PLCH1: variants seen among roughly 807,000 people sequenced by gnomAD.
PLCH1 encodes phospholipase C eta 1.
A neutral mutation model predicts 126.7 loss-of-function variants in PLCH1; 60 were observed. The ratio of observed to expected loss-of-function variants is 0.47; its 90% CI spans 0.38 to 0.59. The LOEUF (loss-of-function observed/expected upper bound fraction) is 0.59, where lower values mean the gene tolerates loss of function less well. Ranked by LOEUF, PLCH1 falls within the 20% of genes least tolerant of loss-of-function variation. The probability of loss-of-function intolerance (pLI) is 0.00; values close to 1 mark genes in which losing one functional copy is unlikely to be tolerated. For synonymous variants in PLCH1, 719 were observed against 734.9 expected (o/e 0.98, Z 0.35); for missense variants, 1,723 against 2,040.0 (o/e 0.84, Z 2.99).
intron 2 of PLCH1, among the ~76,000 whole-genome samples, chr3:155,670,635 C>T (rs530808642): frequency 6.6e-6 from 1 of 151,952 alleles, no homozygotes; most frequent in African/African-American, 2.4e-5. Flanking sequence ...TGATCTGAAC[C>T]AATTTCTCAA....
chr3:155,578,830 C>A (rs1378627505), intron 6 of PLCH1, among the ~76,000 whole-genome samples: 1 of 152,118 alleles, frequency 6.6e-6, no homozygotes, highest in Non-Finnish European at 1.5e-5. Flanking sequence ...GCCTTCCCCC[C>A]AGCCCTTCCA....
intron 1 of PLCH1, among the ~76,000 whole-genome samples, chr3:155,732,312 A>C (rs966128375): frequency 2.0e-5 from 3 of 152,122 alleles, no homozygotes; most frequent in African/African-American, 7.2e-5. Flanking sequence ...AGAAGAAGAA[A>C]GTATCTGTGA....
In PLCH1 at chr3:155,550,470, G is replaced by A. The variant is rs565685902; in HGVS notation, c.1191-512C>T. The stretch of plus-strand genomic sequence containing the variant: ...AATTCTGTGTTTTATAGCATCCTAC[G>A]TCGCACATTTCAAAATCACTTTGAT... On this transcript the variant is annotated intron_variant, in intron 9 of 22. Coordinates refer to ENST00000460012, the MANE Select transcript of PLCH1 (RefSeq NM_014996.4). 7.2e-5 allele frequency among the ~76,000 whole-genome samples: 11 copies of A among 152,194 alleles called. No individual in the cohort carries two copies. The South Asian group carries it at 1.2e-3, about 17-fold the overall frequency.
chr3:155,725,594 C>T (rs1000451189), intron 1 of PLCH1, among the ~76,000 whole-genome samples: 2 of 151,938 alleles, frequency 1.3e-5, no homozygotes, highest in Non-Finnish European at 2.9e-5. Context: ...ATTACAGATG[C>T]ATGCCCGGCT....
At chr3:155,621,167 G>A (rs1016945007) in intron 2 of PLCH1, among the ~76,000 whole-genome samples, 1 of 152,144 alleles carries the variant, frequency 6.6e-6, no homozygotes, top group Non-Finnish European at 1.5e-5. Flanking sequence ...TGCAGCAGAG[G>A]GGCCTGACTG....
rs1167926838 is a variant in PLCH1 at position 155,458,542 on chromosome 3, AAAAGAAAGAAAGAGAAAAAG to A, written c.2938+26794_2938+26813del. Among the ~76,000 whole-genome samples the A allele has an allele frequency of 3.8e-4, 54 of 141,384 alleles. 1 individual carries two copies. The highest frequency in any genetic ancestry group is 1.6e-3 in the African/African-American group (54 of 33,834). 92.8% of individuals were successfully genotyped at this position (141,384 alleles called of 152,430 possible). ...TAAGAAAGAGAAAGAAAGAAAAAGA[AAAAGAAAGAAAGAGAAAAAG>A]AAAGAAAGAAAGAAAGAAAGGAAGA... On this transcript the variant is annotated intron_variant, in intron 21 of 21. Transcript: ENST00000494598.
chr3:155,717,469 T>C (rs1259111188), intron 1 of PLCH1, among the ~76,000 whole-genome samples: 1 of 152,248 alleles, frequency 6.6e-6, no homozygotes, highest in Non-Finnish European at 1.5e-5. Context: ...CAGACTTTCT[T>C]GTAAATCCTG....
chr3:155,475,779 C>T (rs560977159), downstream of PLCH1, among the ~76,000 whole-genome samples: 8 of 151,884 alleles, frequency 5.3e-5, no homozygotes, highest in African/African-American at 1.4e-4. Flanking sequence ...ATCCAAAACC[C>T]AAACAAATTG....
chr3:155,557,674 T>C (rs972108757), intron 8 of PLCH1, among the ~76,000 whole-genome samples: 1 of 152,152 alleles, frequency 6.6e-6, no homozygotes, highest in African/African-American at 2.4e-5. Context: ...GTTGGCAAGG[T>C]AGAAATCCTC....
intron 2 of PLCH1, among the ~76,000 whole-genome samples, chr3:155,602,164 T>C (rs1190573585): frequency 2.0e-5 from 3 of 152,220 alleles, no homozygotes; most frequent in Admixed American, 1.3e-4. Flanking sequence ...GGAAGATCTC[T>C]ATGAACTGAT....
chr3:155,511,225 C>T (rs1719433494), intron 12 of PLCH1, among the ~76,000 whole-genome samples: 1 of 76,418 alleles, frequency 1.3e-5, no homozygotes, highest in Admixed American at 1.4e-4. Context: ...TTAAGCACTT[C>T]TCTGTATTGG....
intron 2 of PLCH1, among the ~76,000 whole-genome samples, chr3:155,602,159 A>C (rs4680194): frequency 0.2 from 30,954 of 152,106 alleles, 4,054 homozygotes; most frequent in African/African-American, 0.37. Context: ...AATGAGGAAG[A>C]TCTCTATGAA....
intron 2 of PLCH1, among the ~76,000 whole-genome samples, chr3:155,693,852 C>T (rs917165313): frequency 1.2e-4 from 19 of 152,016 alleles, no homozygotes; most frequent in African/African-American, 4.6e-4. Flanking sequence ...ATCACTTGAA[C>T]CCGGGAGGCA....
intron 21 of PLCH1, among the ~76,000 whole-genome samples, chr3:155,460,074 C>T (rs1712651396): frequency 6.6e-6 from 1 of 152,098 alleles, no homozygotes; most frequent in African/African-American, 2.4e-5. Flanking sequence ...GTTTAAGAAT[C>T]ATTGAACCAG....
chr3:155,515,009 C>T, intron 11 of PLCH1, 125 bp from the exon 12 acceptor site: 1 of 591,796 alleles, frequency 1.7e-6, no homozygotes, highest in East Asian at 3.0e-5. Flanking sequence ...AGAAATTAAG[C>T]TCAAGTTCAT....
At position 155,471,882 on chromosome 3, in the gene PLCH1, G is replaced by A. The variant is rs558306716; in HGVS notation, c.2938+13474C>T. Among the ~76,000 whole-genome samples the A allele has an allele frequency of 3.0e-4, 45 of 152,032 alleles. 1 individual carries two copies. The highest frequency in any genetic ancestry group is 1.6e-3 in the Admixed American group (25 of 15,272). On this transcript the variant is annotated intron_variant, in intron 21 of 21. Transcript: ENST00000494598. ...TAAAGATGTTCTTTGAAACCAACGA[G>A]AACAAAGACACAACATACCAGAATC...
rs1246737637 is a variant in PLCH1, at chr3:155,706,591, G to C, written c.-40-2327C>G. 2.7e-5 allele frequency among the ~76,000 whole-genome samples: 4 copies of C among 150,070 alleles called. No individual in the cohort carries two copies. In the East Asian group the frequency reaches 7.8e-4, roughly 29 times the overall value. On this transcript the variant is annotated intron_variant, in intron 1 of 22. Coordinates refer to ENST00000460012, the MANE Select transcript of PLCH1 (RefSeq NM_014996.4). ...GCTGAGATCCTGCCACTGCACTCCG[G>C]CCTGGGCGACAAAGACTCCGTCTCA...
intron 2 of PLCH1, among the ~76,000 whole-genome samples, chr3:155,647,178 A>G (rs1489216033): frequency 6.6e-6 from 1 of 152,100 alleles, no homozygotes; most frequent in Non-Finnish European, 1.5e-5. Context: ...TGCTTTTCCT[A>G]TTCAGTAAGC....
chr3:155,741,684 C>CTTTTTTTTTT lies in PLCH1; in HGVS notation c.-41+3146_-41+3155dup, dbSNP rs71624571. On this transcript the variant is annotated intron_variant, in intron 1 of 22. Coordinates refer to ENST00000460012, the MANE Select transcript of PLCH1 (RefSeq NM_014996.4). ...TCCTTTTATCATAATTTTATATCCT[C>CTTTTTTTTTT]TTTTTTTTTTTTTTTTTTTTGTTCA... Among the ~76,000 whole-genome samples the CTTTTTTTTTT allele has an allele frequency of 6.0e-3, 615 of 102,850 alleles. 16 individuals are homozygous for CTTTTTTTTTT. Among genetic ancestry groups the CTTTTTTTTTT allele is most frequent in the African/African-American group, 0.013 (263 of 20,882 alleles). 67.5% of individuals were successfully genotyped at this position (102,850 alleles called of 152,430 possible). A position where few individuals can be genotyped will look rare whatever the true frequency, so the allele number is the denominator to read the frequency against.
Sources: gnomAD v4.1 joint callset for allele counts (sites outside exome capture counted in the v4.1 genomes callset) on GRCh38, gnomAD v4.1.1 for gene constraint, MANE v1.5 for transcripts, NCBI Gene and HGNC (gene_info 2026-07-23, HGNC 2026-07-21) for gene names.